CFAP58: variants seen among roughly 807,000 people sequenced by gnomAD.
The protein encoded by CFAP58 is cilia- and flagella-associated protein 58.
A neutral mutation model predicts 119.5 loss-of-function variants in CFAP58; 88 were observed. The ratio of observed to expected loss-of-function variants is 0.74; its 90% CI spans 0.62 to 0.88. CFAP58 has a LOEUF of 0.88. Ranked by LOEUF, CFAP58 falls within the 40% of genes least tolerant of loss-of-function variation. The probability of loss-of-function intolerance (pLI) is 0.00; values close to 1 mark genes in which losing one functional copy is unlikely to be tolerated. For missense variants in CFAP58, 990 were observed against 1,021.2 expected, an observed-to-expected ratio of 0.97 and a Z score of 0.42; for synonymous variants, 365 against 366.3, an observed-to-expected ratio of 1.00 and a Z score of 0.04.
At chr10:104,402,497 C>T (rs997567753) in intron 13 of CFAP58, among the ~76,000 whole-genome samples, 1 of 152,128 alleles carries the variant, frequency 6.6e-6, no homozygotes, top group Non-Finnish European at 1.5e-5. Context: ...CTGCAGCAGG[C>T]GAGGACAGGT....
intron 15 of CFAP58, among the ~76,000 whole-genome samples, chr10:104,432,432 CT>C (rs776047619): frequency 3.3e-5 from 5 of 151,798 alleles, no homozygotes; most frequent in Non-Finnish European, 7.4e-5. Flanking sequence ...ATTATCTTTC[CT>C]TTTGGCCTAT....
At chr10:104,372,934 TG>T (rs1564882968) in intron 7 of CFAP58, among the ~76,000 whole-genome samples, 2 of 152,204 alleles carry the variant, frequency 1.3e-5, no homozygotes, top group African/African-American at 4.8e-5. Flanking sequence ...GTTAGGAGCA[TG>T]GGTCTCCCTC....
rs56666132 is a variant in CFAP58, at chr10:104,453,761, A to AGTGTGTGTGTGT, written c.2511-636_2511-625dup. On this transcript the variant is annotated intron_variant, in intron 17 of 17. Coordinates refer to ENST00000369704, the MANE Select transcript of CFAP58 (RefSeq NM_001008723.2). ...TACTTCTGCAGGAAACATGAATATG[A>AGTGTGTGTGTGT]GTGTGTGTGTGTGTGTGTGTGTGTG... is the stretch of plus-strand genomic sequence containing the variant. 8.5e-3 allele frequency among the ~76,000 whole-genome samples: 1,177 copies of AGTGTGTGTGTGT among 138,904 alleles called. 12 individuals carry two copies. The highest frequency in any genetic ancestry group is 0.035 in the South Asian group (146 of 4,130). 91.1% of individuals were successfully genotyped at this position (138,904 alleles called of 152,430 possible).
chr10:104,404,464 A>G (rs1655028568), intron 14 of CFAP58, among the ~76,000 whole-genome samples: 1 of 152,228 alleles, frequency 6.6e-6, no homozygotes, highest in Non-Finnish European at 1.5e-5. Context: ...AGAAAAAGCC[A>G]TCTCTTTAGT....
At chr10:104,435,880 G>A (rs949584158) in intron 15 of CFAP58, among the ~76,000 whole-genome samples, 20 of 152,080 alleles carry the variant, frequency 1.3e-4, no homozygotes, top group Admixed American at 1.1e-3. Context: ...CTTTAAAATT[G>A]AACTTACCAT....
chr10:104,346,174 G>A, the CFAP58 span, among the ~76,000 whole-genome samples: 15 of 151,948 alleles, frequency 9.9e-5, no homozygotes, highest in Admixed American at 5.9e-4. Flanking sequence ...TTAAACAAAC[G>A]GATCTCATGT....
At chr10:104,338,734 G>C in the CFAP58 span, among the ~76,000 whole-genome samples, 18 of 152,240 alleles carry the variant, frequency 1.2e-4, no homozygotes, top group Non-Finnish European at 2.6e-4. Context: ...CTAAGCCGCG[G>C]AGCGGAAGGG....
chr10:104,359,689 T>G (rs2014641067), intron 2 of CFAP58, among the ~76,000 whole-genome samples: 1 of 152,112 alleles, frequency 6.6e-6, no homozygotes, highest in African/African-American at 2.4e-5. Context: ...CCCAGCTACT[T>G]GGGAGGCTGA....
chr10:104,393,177 C>A, intron 10 of CFAP58, 152 bp from the exon 11 acceptor site: 1 of 668,428 alleles, frequency 1.5e-6, no homozygotes, highest in Non-Finnish European at 2.5e-6. Context: ...GGTCGATGGG[C>A]ACTAGAGACA....
chr10:104,342,276 A>G, the CFAP58 span, among the ~76,000 whole-genome samples: 10 of 152,196 alleles, frequency 6.6e-5, no homozygotes, highest in Admixed American at 2.6e-4. Flanking sequence ...ATTTTCTATT[A>G]TAACTTTAAT....
chr10:104,399,141 T>C (rs949698733), intron 11 of CFAP58, among the ~76,000 whole-genome samples: 2 of 151,966 alleles, frequency 1.3e-5, no homozygotes, highest in African/African-American at 2.4e-5. Context: ...AGAATAAACA[T>C]GATGACTGTA....
intron 15 of CFAP58, among the ~76,000 whole-genome samples, chr10:104,446,283 G>C (rs543924794): frequency 1.4e-4 from 22 of 152,154 alleles, no homozygotes; most frequent in Non-Finnish European, 3.1e-4. Context: ...CGGGCTTTTG[G>C]ATTTCCTTGT....
At position 104,399,442 on chromosome 10, in the gene CFAP58, T is replaced by C; in HGVS notation, c.1757T>C (p.Leu586Pro). The stretch of plus-strand genomic sequence containing the variant: ...CAAGAAGCTGAAGAGAGAAAACTCC[T>C]GCGAATAATTGCTGAGGCTGACGGG... ...EKQEAEERKL[L>P]RIIAEADGER... The change falls in exon 12 of 18, where the codon CTG becomes CCG. Residue 586 changes from leucine to proline, a missense_variant. Physicochemically the swap from Leu to Pro is moderately conservative, Grantham distance 98. Coordinates refer to ENST00000369704, the MANE Select transcript of CFAP58 (RefSeq NM_001008723.2). 1 of 1,613,948 alleles carries C rather than the reference T, an allele frequency of 6.2e-7. No homozygotes were observed. Among genetic ancestry groups the C allele is most frequent in the Non-Finnish European group, 8.5e-7 (1 of 1,179,922 alleles).
chr10:104,399,318 G>A (rs573829022), intron 11 of CFAP58, 42 bp from the exon 12 acceptor site: 3 of 1,607,304 alleles, frequency 1.9e-6, no homozygotes, highest in East Asian at 2.2e-5. Flanking sequence ...GGTTTGTGCT[G>A]TAACGAATTG....
At chr10:104,394,070 TCTTACTAAGACATACC>T (rs2012105295) in intron 11 of CFAP58, among the ~76,000 whole-genome samples, 1 of 152,248 alleles carries the variant, frequency 6.6e-6, no homozygotes, top group South Asian at 2.1e-4. Flanking sequence ...TCTTCATATA[TCTTACTAAGACATACC>T]CTTTAAAATC....
intron 6 of CFAP58, among the ~76,000 whole-genome samples, chr10:104,369,056 G>A (rs189962787): frequency 2.4e-4 from 36 of 152,256 alleles, no homozygotes; most frequent in Admixed American, 8.5e-4. Flanking sequence ...TCTCATTGAA[G>A]AGTGCTTGCA....
At chr10:104,364,565 T>C (rs1223348279) in intron 3 of CFAP58, among the ~76,000 whole-genome samples, 168 bp from the exon 4 acceptor site, 3 of 152,140 alleles carry the variant, frequency 2.0e-5, no homozygotes, top group African/African-American at 7.2e-5. Context: ...CCAGTTAACA[T>C]TTCACAATCT....
At chr10:104,343,949 C>T in the CFAP58 span, among the ~76,000 whole-genome samples, 1 of 152,240 alleles carries the variant, frequency 6.6e-6, no homozygotes, top group East Asian at 1.9e-4. Context: ...CAGTATGTTG[C>T]CCAGGCTGGT....
intron 14 of CFAP58, 112 bp downstream of exon 14, chr10:104,403,952 T>C: frequency 1.7e-6 from 1 of 582,914 alleles, no homozygotes; most frequent in Admixed American, 2.9e-5. Flanking sequence ...GCTATGCAAA[T>C]TGTCACCTAA....
Sources: gnomAD v4.1 joint callset for allele counts (sites outside exome capture counted in the v4.1 genomes callset) on GRCh38, gnomAD v4.1.1 for gene constraint, MANE v1.5 for transcripts, NCBI Gene and HGNC (gene_info 2026-07-23, HGNC 2026-07-21) for gene names.